PLK4: variants seen among roughly 807,000 people sequenced by gnomAD.
PLK4 encodes the protein serine/threonine-protein kinase PLK4.
Under a neutral mutation model 103.0 loss-of-function variants are expected in PLK4, and 51 were observed. The ratio of observed to expected loss-of-function variants is 0.50; its 90% CI spans 0.40 to 0.63. PLK4 has a LOEUF of 0.63. Ranked by LOEUF, PLK4 falls within the 20% of genes least tolerant of loss-of-function variation. The probability of loss-of-function intolerance (pLI) is 0.00; values close to 1 mark genes in which losing one functional copy is unlikely to be tolerated. For synonymous variants in PLK4, 389 were observed against 376.8 expected (o/e 1.03, Z -0.38); for missense variants, 1,054 against 1,151.0 (o/e 0.92, Z 1.22).
chr4:127,881,333 C>T, intron 1 of PLK4, 169 bp downstream of exon 1: 1 of 1,471,060 alleles, frequency 6.8e-7, no homozygotes, highest in South Asian at 1.4e-5. Flanking sequence ...GCGGAGCGGC[C>T]CGCCCCTCAA....
At chr4:127,884,031 G>C (rs1374864159) in intron 4 of PLK4, among the ~76,000 whole-genome samples, 2 of 152,110 alleles carry the variant, frequency 1.3e-5, no homozygotes, top group Non-Finnish European at 2.9e-5. Context: ...TTACTACCTT[G>C]ATTTTCCAAA....
rs1734889916 is a variant in PLK4 at position 127,880,928 on chromosome 4, A to G, written c.-207A>G. ...TAGCTCGGACGGCAAGCGGCGGGAG[A>G]TTTTCAAAATGGGAGCCCAGAGGCA... On this transcript the variant is annotated 5_prime_UTR_variant, in exon 1 of 16. Transcript: ENST00000270861. 5.1e-6 allele frequency: 3 copies of G among 592,176 alleles called. No homozygotes were observed. The highest frequency in any genetic ancestry group is 9.0e-6 in the Non-Finnish European group (3 of 334,562). The allele number at this position is 592,176 out of a possible 1,614,324, so 36.7% of individuals were successfully genotyped here.
At chr4:127,890,823 A>G (rs747243508) in intron 7 of PLK4, among the ~76,000 whole-genome samples, 2 of 152,054 alleles carry the variant, frequency 1.3e-5, no homozygotes, top group Non-Finnish European at 2.9e-5. Flanking sequence ...TTATCTTTTC[A>G]AAGTCCTTAT....
At chr4:127,888,957 T>G (rs1410881837) in intron 6 of PLK4, among the ~76,000 whole-genome samples, 3 of 152,278 alleles carry the variant, frequency 2.0e-5, no homozygotes, top group African/African-American at 7.2e-5. Flanking sequence ...TTCAGGTTTG[T>G]TTTTTAAACT....
In PLK4 at chr4:127,886,122, C is replaced by T. The variant is rs759414046; in HGVS notation, c.752C>T (p.Ala251Val). The change falls in exon 5 of 16, where the codon GCA (alanine) becomes GTA (valine). Residue 251 changes from alanine (A) to valine (V), a missense_variant. Coordinates refer to ENST00000270861, the MANE Select transcript of PLK4 (RefSeq NM_014264.5). Reference protein sequence around the residue: ...LIHQLLRRNPADRLSLSSVLD... With the variant: ...LIHQLLRRNPVDRLSLSSVLD... ...CACCAGTTACTTCGTAGAAATCCAGCAGATCGTTTAAGTCTGTCTTCAGTA... is the reference window on the plus strand; with the variant it reads ...CACCAGTTACTTCGTAGAAATCCAGTAGATCGTTTAAGTCTGTCTTCAGTA... 9 of 1,614,036 alleles carry T rather than the reference C, an allele frequency of 5.6e-6. 1 individual carries two copies. The highest frequency in any genetic ancestry group is 6.8e-6 in the Non-Finnish European group (8 of 1,179,996).
At position 127,898,769 on chromosome 4, in the gene PLK4, A is replaced by G. The variant is rs959536869; in HGVS notation, c.*228A>G. 1.1e-5 allele frequency: 4 copies of G among 378,822 alleles called. No individual in the cohort carries two copies. The highest frequency in any genetic ancestry group is 1.9e-5 in the Non-Finnish European group (4 of 213,422). 23.5% of individuals were successfully genotyped at this position (378,822 alleles called of 1,614,324 possible). ...GAACACCTGACTTTGCTCTTAGACCATAACCCCCGAACTTACTATGTTCAT... is the reference window on the plus strand; with the variant it reads ...GAACACCTGACTTTGCTCTTAGACCGTAACCCCCGAACTTACTATGTTCAT... On this transcript the variant is annotated 3_prime_UTR_variant, in exon 16 of 16. Coordinates refer to ENST00000270861, the MANE Select transcript of PLK4 (RefSeq NM_014264.5).
In PLK4 at chr4:127,893,513, G is replaced by A. The variant is rs765323092; in HGVS notation, c.2323G>A (p.Gly775Ser). 9.9e-6 allele frequency: 16 copies of A among 1,609,430 alleles called. No individual in the cohort carries two copies. In the East Asian group the frequency reaches 1.1e-4, roughly 11 times the overall value. ...IKMYMDHANE[G>S]HRICLALESI... ...CAGAAGCACTCTTCTTTTGAAATAGGGTCATCGTATTTGTTTAGCACTGGA... is the reference window on the plus strand; with the variant it reads ...CAGAAGCACTCTTCTTTTGAAATAGAGTCATCGTATTTGTTTAGCACTGGA... Residue 775 changes from glycine to serine, a missense_variant and splice_region_variant, in exon 12 of 16, where the codon GGT becomes AGT. Physicochemically the swap from Gly to Ser is moderately conservative, Grantham distance 56 (BLOSUM62 0). Coordinates refer to ENST00000270861, the MANE Select transcript of PLK4 (RefSeq NM_014264.5).
In PLK4 at chr4:127,881,060, G is replaced by T; in HGVS notation, c.-75G>T. ...GCCTGATGGGCGCCAAGGCCGGCTG[G>T]CTGCTTGGAGCGCTGCCTCGAAGGG... On this transcript the variant is annotated 5_prime_UTR_variant, in exon 1 of 16. Transcript: ENST00000270861. 2.6e-6 allele frequency: 4 copies of T among 1,558,022 alleles called. No homozygotes were observed. Among genetic ancestry groups the T allele is most frequent in the East Asian group, 2.2e-5 (1 of 44,492 alleles).
chr4:127,881,419 T>A (rs1734919326), intron 1 of PLK4: 1 of 1,401,762 alleles, frequency 7.1e-7, no homozygotes, highest in African/African-American at 1.5e-5. Flanking sequence ...CGGCTTTCTT[T>A]CAGCAATCCC....
chr4:127,887,853 C>CAG (rs1202404964), intron 6 of PLK4, among the ~76,000 whole-genome samples: 36 of 113,132 alleles, frequency 3.2e-4, no homozygotes, highest in Admixed American at 1.5e-3. Flanking sequence ...GCCTGTGTGA[C>CAG]AGAGAGAGAG....
At position 127,881,162 on chromosome 4, in the gene PLK4, G is replaced by C; in HGVS notation, c.28G>C (p.Glu10Gln). 6.2e-7 allele frequency: 1 copy of C among 1,614,014 alleles called. No individual in the cohort carries two copies. The highest frequency in any genetic ancestry group is 8.5e-7 in the Non-Finnish European group (1 of 1,180,010). ...GGCGACCTGCATCGGGGAGAAGATC[G>C]AGGTGAAAAGACTCGGCAGTCTGCA... MATCIGEKI[E>Q]DFKVGNLLGK... The change falls in exon 1 of 16, where the codon GAG (glutamate) becomes CAG (glutamine). Residue 10 changes from glutamate to glutamine, a missense_variant and splice_region_variant. Glu to Gln is a conservative substitution (Grantham distance 29). This residue lies in a region of PLK4 where 199 missense variants were observed against 270.1 expected (regional missense o/e 0.74). Coordinates refer to ENST00000270861, the MANE Select transcript of PLK4 (RefSeq NM_014264.5).
intron 13 of PLK4, among the ~76,000 whole-genome samples, chr4:127,894,310 T>G (rs1735479462): frequency 6.6e-6 from 1 of 152,024 alleles, no homozygotes; most frequent in African/African-American, 2.4e-5. Flanking sequence ...CACTGCAAGC[T>G]CCACCTCCTG....
chr4:127,895,049 C>A lies in PLK4; in HGVS notation c.2659C>A (p.Leu887Ile). The A allele has an allele frequency of 1.2e-6, 2 of 1,612,428 alleles. No individual in the cohort carries two copies. The highest frequency in any genetic ancestry group is 1.7e-6 in the Non-Finnish European group (2 of 1,179,204). Residue 887 changes from leucine (L) to isoleucine (I), a missense_variant, in exon 14 of 16, where the codon CTT becomes ATT. Leu to Ile is a conservative substitution (Grantham distance 5). Around this residue, in one of 4 missense-constraint regions of PLK4, gnomAD observed 167 missense variants for 200.7 expected, o/e 0.83. Transcript: ENST00000270861. Reference protein sequence around the residue: ...LKDCLPKSAQLLKSVFVKNVG... With the variant: ...LKDCLPKSAQILKSVFVKNVG... ...AGATTGTCTTCCTAAATCAGCACAA[C>A]TTTTGAAATCTGTTTTTGTGAAAAA...
At position 127,881,290 on chromosome 4, in the gene PLK4, G is replaced by T. The variant is rs1489267792; in HGVS notation, c.30+126G>T. On this transcript the variant is annotated intron_variant, in intron 1 of 15. Transcript: ENST00000270861. ...GGCGGGCACCGAGGTGCTTAGGGAG[G>T]GTCCCAACGGCCCAGACCCCTGCTG... 2.6e-6 allele frequency: 4 copies of T among 1,553,108 alleles called. No homozygotes were observed. The East Asian group carries it at 9.6e-5, about 37-fold the overall frequency.
In PLK4 at chr4:127,898,569, T is replaced by A; in HGVS notation, c.*28T>A. ...AAAACTCCTTTCAGACATATAAGTTTAATAAATAACTTTTTTGTTGACTTT... is the reference window on the plus strand; with the variant it reads ...AAAACTCCTTTCAGACATATAAGTTAAATAAATAACTTTTTTGTTGACTTT... On this transcript the variant is annotated 3_prime_UTR_variant, in exon 16 of 16. Coordinates refer to ENST00000270861, the MANE Select transcript of PLK4 (RefSeq NM_014264.5). 9.6e-7 allele frequency: 1 copy of A among 1,043,156 alleles called. No homozygotes were observed. The highest frequency in any genetic ancestry group is 1.4e-5 in the South Asian group (1 of 71,768). 64.6% of individuals were successfully genotyped at this position (1,043,156 alleles called of 1,614,324 possible).
At chr4:127,885,167 A>G (rs1430154396) in intron 4 of PLK4, among the ~76,000 whole-genome samples, 1 of 152,036 alleles carries the variant, frequency 6.6e-6, no homozygotes, top group Non-Finnish European at 1.5e-5. Context: ...ATTAAAAGGA[A>G]TGCCTAGTTT....
chr4:127,885,649 A>T, intron 4 of PLK4, 59 bp from the exon 5 acceptor site: 2 of 1,271,894 alleles, frequency 1.6e-6, no homozygotes, highest in Non-Finnish European at 2.2e-6. Context: ...ACTAAATACT[A>T]GATACTGAAT....
rs1031713315 is a variant in PLK4 at position 127,883,435 on chromosome 4, T to G, written c.223-4T>G. On this transcript the variant is annotated splice_region_variant and splice_polypyrimidine_tract_variant and intron_variant, in intron 3 of 15. Coordinates refer to ENST00000270861, the MANE Select transcript of PLK4 (RefSeq NM_014264.5). The stretch of plus-strand genomic sequence containing the variant: ...TTAATTTATTATGCCCTTTCACATT[T>G]CAGCTTTATAACTATTTTGAAGATA... The G allele has an allele frequency of 2.1e-6, 3 of 1,447,092 alleles. No homozygotes were observed. Among genetic ancestry groups the G allele is most frequent in the East Asian group, 2.3e-5 (1 of 44,006 alleles). The allele number at this position is 1,447,092 out of a possible 1,614,324, so 89.6% of individuals were successfully genotyped here.
At chr4:127,892,763 C>G (rs1578764677) in intron 10 of PLK4, 2 of 310,342 alleles carry the variant, frequency 6.4e-6, no homozygotes, top group Non-Finnish European at 1.2e-5. Context: ...AGTTTAACTA[C>G]GTCTAGGCTG....
Sources: gnomAD v4.1 joint callset for allele counts (sites outside exome capture counted in the v4.1 genomes callset) on GRCh38, gnomAD v4.1.1 for gene constraint, gnomAD v4.1.1 regional missense constraint, MANE v1.5 for transcripts, NCBI Gene and HGNC (gene_info 2026-07-23, HGNC 2026-07-21) for gene names.